Variants in SGCZ observed in about 807,000 individuals in gnomAD.
The protein encoded by SGCZ is sarcoglycan zeta.
In SGCZ, 40 loss-of-function variants were observed where a neutral mutation model predicts 41.3. The observed-to-expected ratio is 0.97, with a 90% CI of 0.75 to 1.26. The LOEUF (loss-of-function observed/expected upper bound fraction) is 1.26. SGCZ is among the 50% of genes most tolerant of loss of function. SGCZ has a pLI of 0.00. For synonymous variants in SGCZ, 206 were observed against 137.5 expected (o/e 1.50, Z -3.49); for missense variants, 552 against 369.8 (o/e 1.49, Z -4.04).
At chr8:14,778,982 G>C (rs546286947) in intron 1 of SGCZ, among the ~76,000 whole-genome samples, 10 of 152,288 alleles carry the variant, frequency 6.6e-5, no homozygotes, top group Admixed American at 1.3e-4. Flanking sequence ...ATGTGCAAGA[G>C]TGATTCTTAC....
At chr8:14,439,732 G>A (rs1475906208) in intron 2 of SGCZ, among the ~76,000 whole-genome samples, 1 of 151,886 alleles carries the variant, frequency 6.6e-6, no homozygotes, top group African/African-American at 2.4e-5. Flanking sequence ...CAAATTTGTG[G>A]TAATAACTCT....
At chr8:14,497,723 A>G (rs908622052) in intron 2 of SGCZ, among the ~76,000 whole-genome samples, 7 of 152,242 alleles carry the variant, frequency 4.6e-5, no homozygotes, top group African/African-American at 1.7e-4. Flanking sequence ...ACCGTTCATA[A>G]GGGATCCACC....
intron 3 of SGCZ, among the ~76,000 whole-genome samples, chr8:14,271,270 G>A (rs572430586): frequency 4.6e-5 from 7 of 151,542 alleles, no homozygotes; most frequent in Non-Finnish European, 7.4e-5. Context: ...TCTGTGAATC[G>A]TGTTCTTTAG....
chr8:14,329,641 C>T (rs1161612081), intron 2 of SGCZ, among the ~76,000 whole-genome samples: 1 of 151,992 alleles, frequency 6.6e-6, no homozygotes, highest in Non-Finnish European at 1.5e-5. Context: ...AGATCTGTGT[C>T]CTCCATTTTG....
chr8:14,643,118 G>T (rs1350888850), intron 1 of SGCZ, among the ~76,000 whole-genome samples: 1 of 151,412 alleles, frequency 6.6e-6, no homozygotes. Context: ...TCTTCCAAAA[G>T]AATAAATTTT....
At chr8:14,518,038 G>C (rs936077966) in intron 2 of SGCZ, among the ~76,000 whole-genome samples, 3 of 151,710 alleles carry the variant, frequency 2.0e-5, no homozygotes, top group Admixed American at 6.6e-5. Context: ...TTAAAACTCT[G>C]AGAAAATAGT....
chr8:14,293,244 G>T lies in SGCZ; in HGVS notation c.336+30859C>A, dbSNP rs896621296. Among the ~76,000 whole-genome samples, 60 of 152,126 alleles carry T rather than the reference G, an allele frequency of 3.9e-4. 1 individual carries two copies. Among genetic ancestry groups the T allele is most frequent in the African/African-American group, 1.4e-3 (58 of 41,546 alleles). ...GACAGAAAAATCCCAGTGGACAATG[G>T]ATGTGATATATGTAAGAATGAATGT... On this transcript the variant is annotated intron_variant, in intron 3 of 7. Coordinates refer to ENST00000382080, the MANE Select transcript of SGCZ (RefSeq NM_139167.4).
intron 4 of SGCZ, among the ~76,000 whole-genome samples, chr8:14,218,151 G>T (rs1322635632): frequency 6.6e-6 from 1 of 152,130 alleles, no homozygotes; most frequent in Admixed American, 6.5e-5. Flanking sequence ...ATTTAAAATA[G>T]TAAGAGATAT....
intron 2 of SGCZ, among the ~76,000 whole-genome samples, chr8:14,439,831 C>T (rs554765132): frequency 3.2e-4 from 48 of 152,036 alleles, no homozygotes; most frequent in African/African-American, 1.2e-3. Context: ...AATGATGAAA[C>T]ACTGCTTTCT....
chr8:14,785,047 T>A (rs1181085177), intron 1 of SGCZ, among the ~76,000 whole-genome samples: 1 of 148,006 alleles, frequency 6.8e-6, no homozygotes, highest in Non-Finnish European at 1.5e-5. Flanking sequence ...GGATTTGTAT[T>A]AGCATTTTAA....
At chr8:14,645,048 T>A (rs902401131) in intron 1 of SGCZ, among the ~76,000 whole-genome samples, 4 of 151,608 alleles carry the variant, frequency 2.6e-5, no homozygotes, top group Non-Finnish European at 5.9e-5. Flanking sequence ...AAATCAAATA[T>A]TTGAGAAAAG....
chr8:14,204,363 G>T (rs1390342314), intron 4 of SGCZ, among the ~76,000 whole-genome samples: 1 of 151,416 alleles, frequency 6.6e-6, no homozygotes, highest in Admixed American at 6.6e-5. Context: ...CATGGAATGC[G>T]ACATTCTGTC....
chr8:14,949,821 AG>A (rs1800571157), intron 1 of SGCZ, among the ~76,000 whole-genome samples: 1 of 152,140 alleles, frequency 6.6e-6, no homozygotes, highest in Non-Finnish European at 1.5e-5. Context: ...GAAGTAATAA[AG>A]GTTTATAGTC....
chr8:14,261,093 A>G (rs912259888), intron 3 of SGCZ, among the ~76,000 whole-genome samples: 7 of 95,816 alleles, frequency 7.3e-5, no homozygotes, highest in African/African-American at 1.9e-4. Context: ...AACTTCAAGT[A>G]TAATAAAATA....
chr8:14,168,912 C>A (rs573876112), intron 4 of SGCZ, among the ~76,000 whole-genome samples: 1 of 152,250 alleles, frequency 6.6e-6, no homozygotes, highest in East Asian at 1.9e-4. Flanking sequence ...AAGCATTTTA[C>A]AAATATAAAT....
At chr8:14,099,563 A>G (rs13251453) in intron 7 of SGCZ, among the ~76,000 whole-genome samples, 53,111 of 151,908 alleles carry the variant, frequency 0.35, 11,753 homozygotes, top group Non-Finnish European at 0.5. Flanking sequence ...TGTCTCTTCT[A>G]AAAGTACAAA....
intron 2 of SGCZ, among the ~76,000 whole-genome samples, chr8:14,510,879 G>A (rs1213989480): frequency 2.0e-5 from 3 of 152,074 alleles, no homozygotes; most frequent in African/African-American, 4.8e-5. Flanking sequence ...GACTTGGGAA[G>A]CATCTTTTTG....
chr8:14,971,433 G>A (rs1192311739), intron 1 of SGCZ, among the ~76,000 whole-genome samples: 5 of 151,914 alleles, frequency 3.3e-5, no homozygotes, highest in Admixed American at 3.3e-4. Context: ...CTATCATTTT[G>A]AGAAACTGCA....
chr8:14,346,068 G>T (rs560850590), intron 2 of SGCZ, among the ~76,000 whole-genome samples: 1 of 152,020 alleles, frequency 6.6e-6, no homozygotes, highest in Admixed American at 6.6e-5. Flanking sequence ...AAATTCTAAT[G>T]TGAATTATGA....
Sources: allele counts gnomAD v4.1 joint callset (sites outside exome capture counted in the v4.1 genomes callset), GRCh38; gene constraint gnomAD v4.1.1; transcripts MANE v1.5; gene names NCBI Gene and HGNC (gene_info 2026-07-23, HGNC 2026-07-21).